The following ZC3H12B variants were observed in gnomAD, a reference collection of about 807,000 sequenced individuals.
ZC3H12B encodes zinc finger CCCH-type containing 12B.
A neutral mutation model predicts 43.9 loss-of-function variants in ZC3H12B; 7 were observed. That is an observed-to-expected ratio of 0.16 (90% CI 0.09 to 0.30). The LOEUF is 0.30. Among genes scored for constraint, ZC3H12B ranks in the 10% least tolerant of loss-of-function variants. The pLI is 1.00. For missense variants in ZC3H12B, 475 were observed against 670.2 expected (o/e 0.71, Z 3.22); for synonymous variants, 222 against 241.7 (o/e 0.92, Z 0.76).
chrX:65,393,476 T>G (rs901125261), intron 2 of ZC3H12B, among the ~76,000 whole-genome samples: 2 of 110,387 alleles, frequency 1.8e-5, no homozygotes, highest in African/African-American at 6.6e-5. Context: ...AAGGCCCTAG[T>G]GTGTAATGTT....
chrX:65,195,842 A>G, the ZC3H12B span, among the ~76,000 whole-genome samples: 1 of 112,496 alleles, frequency 8.9e-6, no homozygotes, highest in African/African-American at 3.2e-5. Flanking sequence ...GGGAGTTGGC[A>G]GAAGTTTATT....
chrX:65,036,706 ATTTT>A, the ZC3H12B span, among the ~76,000 whole-genome samples: 1 of 107,299 alleles, frequency 9.3e-6, no homozygotes, highest in African/African-American at 3.4e-5. Context: ...TCCAAAGGTA[ATTTT>A]TTTTTTGTTT....
At position 65,497,385 on chromosome X, in the gene ZC3H12B, T is replaced by C. The variant is rs188912384; in HGVS notation, c.748+114T>C. On this transcript the variant is annotated intron_variant, in intron 2 of 4. Coordinates refer to ENST00000338957, the Ensembl canonical transcript of ZC3H12B. ...TCAAAGTTGTTAAGTATATTTAAAGTATTTTTATTAAGCATATATTTGAAA... is the reference window on the plus strand; with the variant it reads ...TCAAAGTTGTTAAGTATATTTAAAGCATTTTTATTAAGCATATATTTGAAA... 3.2e-5 allele frequency: 21 copies of C among 661,932 alleles called. No homozygotes were observed. The East Asian group carries it at 4.0e-4, about 13-fold the overall frequency. 54.6% of individuals were successfully genotyped at this position (661,932 alleles called of 1,213,427 possible).
chrX:65,213,196 TA>T, the ZC3H12B span, among the ~76,000 whole-genome samples: 1 of 110,139 alleles, frequency 9.1e-6, no homozygotes, highest in Non-Finnish European at 1.9e-5. Context: ...ATTCAGCACT[TA>T]AAAAAATCTA....
chrX:65,193,818 G>A, the ZC3H12B span, among the ~76,000 whole-genome samples: 1 of 111,517 alleles, frequency 9.0e-6, no homozygotes, highest in Admixed American at 9.6e-5. Flanking sequence ...GTATTAGTCT[G>A]TTCTCACATT....
chrX:65,233,564 C>G, the ZC3H12B span, among the ~76,000 whole-genome samples: 38 of 103,209 alleles, frequency 3.7e-4, no homozygotes, highest in Non-Finnish European at 6.2e-4. Flanking sequence ...AAAATTAAAA[C>G]AAAACATACC....
chrX:65,105,870 T>C, the ZC3H12B span, among the ~76,000 whole-genome samples: 8 of 111,536 alleles, frequency 7.2e-5, no homozygotes, highest in African/African-American at 2.6e-4. Context: ...TCCCATGGGG[T>C]GACACTGCAT....
the ZC3H12B span, among the ~76,000 whole-genome samples, chrX:65,231,641 T>C: frequency 2.7e-5 from 3 of 111,362 alleles, no homozygotes; most frequent in East Asian, 5.7e-4. Context: ...ATATCTCTCC[T>C]ACTTGCACAT....
intron 3 of ZC3H12B, among the ~76,000 whole-genome samples, chrX:65,463,311 A>G (rs2067776329): frequency 8.9e-6 from 1 of 112,104 alleles, no homozygotes; most frequent in South Asian, 3.7e-4. Flanking sequence ...TGGGAATTGC[A>G]TTGAATTTGT....
chrX:65,164,607 TG>T, the ZC3H12B span, among the ~76,000 whole-genome samples: 1 of 111,903 alleles, frequency 8.9e-6, no homozygotes, highest in South Asian at 3.7e-4. Context: ...AAATGCCTCT[TG>T]TAGTTAGCTT....
chrX:65,279,114 T>C, the ZC3H12B span, among the ~76,000 whole-genome samples: 1 of 110,935 alleles, frequency 9.0e-6, no homozygotes, highest in African/African-American at 3.3e-5. Context: ...TGTGAGTCTT[T>C]ATGGTAGAAT....
At chrX:65,359,580 C>T in the ZC3H12B span, among the ~76,000 whole-genome samples, 1 of 111,616 alleles carries the variant, frequency 9.0e-6, no homozygotes, top group Admixed American at 9.5e-5. Flanking sequence ...GTGGAAATAG[C>T]AAGAAAACTA....
upstream of ZC3H12B, among the ~76,000 whole-genome samples, chrX:65,362,239 C>T (rs936024626): frequency 1.4e-4 from 16 of 111,599 alleles, no homozygotes; most frequent in African/African-American, 5.2e-4. Context: ...GTAACTCTTA[C>T]AGTGGAGGGT....
the ZC3H12B span, among the ~76,000 whole-genome samples, chrX:65,253,950 T>C: frequency 8.9e-6 from 1 of 112,253 alleles, no homozygotes; most frequent in African/African-American, 3.2e-5. Flanking sequence ...GGTCTTCATG[T>C]GCACCCCACC....
chrX:65,497,881 T>C (rs913638126), intron 2 of ZC3H12B, among the ~76,000 whole-genome samples: 5 of 111,850 alleles, frequency 4.5e-5, no homozygotes, highest in Non-Finnish European at 9.4e-5. Context: ...ACTGAAGCAA[T>C]TGAAAACGAA....
chrX:65,178,642 C>CA, the ZC3H12B span, among the ~76,000 whole-genome samples: 1 of 112,228 alleles, frequency 8.9e-6, no homozygotes, highest in African/African-American at 3.2e-5. Flanking sequence ...TTTATGCTGC[C>CA]AAGAAACATA....
the ZC3H12B span, among the ~76,000 whole-genome samples, chrX:65,254,061 A>C: frequency 8.9e-6 from 1 of 111,890 alleles, no homozygotes; most frequent in African/African-American, 3.2e-5. Context: ...CAGCGGCCCC[A>C]GCTCCACCGT....
At chrX:65,048,855 A>G in the ZC3H12B span, among the ~76,000 whole-genome samples, 1 of 110,872 alleles carries the variant, frequency 9.0e-6, no homozygotes, top group Non-Finnish European at 1.9e-5. Context: ...GTTTTGTTTT[A>G]ATCATGGCCA....
At chrX:65,341,290 A>C in the ZC3H12B span, among the ~76,000 whole-genome samples, 1 of 112,457 alleles carries the variant, frequency 8.9e-6, no homozygotes, top group Non-Finnish European at 1.9e-5. Context: ...CATATTTCAG[A>C]ATATCATCCA....
Sources: gnomAD v4.1 joint callset for allele counts (sites outside exome capture counted in the v4.1 genomes callset) on GRCh38, gnomAD v4.1.1 for gene constraint, MANE v1.5 for transcripts, NCBI Gene and HGNC (gene_info 2026-07-23, HGNC 2026-07-21) for gene names.